Variants in ABCG1 observed in about 807,000 individuals in gnomAD.
ABCG1 encodes ATP-binding cassette sub-family G member 1.
In ABCG1, 29 loss-of-function variants were observed where a neutral mutation model predicts 69.2. The observed-to-expected ratio is 0.42, with a 90% CI of 0.31 to 0.57. The LOEUF (loss-of-function observed/expected upper bound fraction) is 0.57. Among genes scored for constraint, ABCG1 ranks in the 20% least tolerant of loss-of-function variants. The probability of loss-of-function intolerance (pLI) is 0.15; values close to 1 mark genes in which losing one functional copy is unlikely to be tolerated. For synonymous variants in ABCG1, 370 were observed against 374.8 expected, an observed-to-expected ratio of 0.99 and a Z score of 0.15; for missense variants, 718 against 898.1, an observed-to-expected ratio of 0.80 and a Z score of 2.56.
At chr21:42,274,250 C>T (rs2068669138) in intron 4 of ABCG1, among the ~76,000 whole-genome samples, 1 of 152,208 alleles carries the variant, frequency 6.6e-6, no homozygotes, top group South Asian at 2.1e-4. Flanking sequence ...ATCAATTCAA[C>T]TTGGTCACTG....
chr21:42,247,554 G>A (rs778936979), intron 2 of ABCG1, among the ~76,000 whole-genome samples: 3 of 152,242 alleles, frequency 2.0e-5, no homozygotes, highest in Non-Finnish European at 4.4e-5. Flanking sequence ...TTTGGGTGGA[G>A]ATCTTGGACT....
At chr21:42,237,058 A>T (rs554077909) in intron 2 of ABCG1, among the ~76,000 whole-genome samples, 1 of 152,262 alleles carries the variant, frequency 6.6e-6, no homozygotes, top group South Asian at 2.1e-4. Flanking sequence ...CCTCCCCTTC[A>T]GTTGTCATAA....
intron 4 of ABCG1, among the ~76,000 whole-genome samples, chr21:42,274,914 G>A (rs2068683582): frequency 6.6e-6 from 1 of 152,170 alleles, no homozygotes; most frequent in Non-Finnish European, 1.5e-5. Flanking sequence ...AGTCATGGCT[G>A]GCTTTATGTG....
At chr21:42,235,315 A>C (rs578145351) in intron 2 of ABCG1, among the ~76,000 whole-genome samples, 3 of 152,172 alleles carry the variant, frequency 2.0e-5, no homozygotes, top group Non-Finnish European at 4.4e-5. Context: ...GGGTGTGTGG[A>C]GTCTGCGCCC....
At chr21:42,238,321 C>A (rs1298796968) in intron 2 of ABCG1, among the ~76,000 whole-genome samples, 1 of 152,134 alleles carries the variant, frequency 6.6e-6, no homozygotes, top group African/African-American at 2.4e-5. Flanking sequence ...ATGGGGATTT[C>A]GAATCTCAAC....
chr21:42,211,858 C>T (rs2067592900), upstream of ABCG1, among the ~76,000 whole-genome samples: 2 of 152,112 alleles, frequency 1.3e-5, no homozygotes, highest in South Asian at 4.1e-4. Flanking sequence ...CACTGCACTC[C>T]AGCCTGGGTG....
intron 2 of ABCG1, among the ~76,000 whole-genome samples, chr21:42,259,805 A>G (rs969870756): frequency 4.6e-5 from 7 of 152,238 alleles, no homozygotes; most frequent in African/African-American, 1.7e-4. Flanking sequence ...GTGTTTTCTC[A>G]TTAGCCCATT....
intron 1 of ABCG1, among the ~76,000 whole-genome samples, chr21:42,220,894 C>A (rs935559705): frequency 3.9e-5 from 6 of 152,158 alleles, no homozygotes; most frequent in Non-Finnish European, 8.8e-5. Context: ...CTCTTGAATT[C>A]CTTCTAGAGC....
intron 2 of ABCG1, among the ~76,000 whole-genome samples, chr21:42,207,320 C>A (rs1601329254): frequency 6.6e-6 from 1 of 152,228 alleles, no homozygotes; most frequent in South Asian, 2.1e-4. Context: ...TGTTCCATTT[C>A]CCAGTTTATT....
intron 1 of ABCG1, among the ~76,000 whole-genome samples, chr21:42,224,338 G>A (rs1050996008): frequency 8.5e-5 from 13 of 152,184 alleles, no homozygotes; most frequent in African/African-American, 3.1e-4. Flanking sequence ...CCCTGCCACA[G>A]GGGCATTGGG....
intron 2 of ABCG1, among the ~76,000 whole-genome samples, chr21:42,261,219 C>T (rs931459294): frequency 5.9e-5 from 9 of 151,832 alleles, no homozygotes; most frequent in Admixed American, 2.0e-4. Flanking sequence ...CCCCCTCTCC[C>T]GCCCCACCCA....
chr21:42,214,074 CA>C (rs2067614819), upstream of ABCG1, among the ~76,000 whole-genome samples: 2 of 152,174 alleles, frequency 1.3e-5, no homozygotes, highest in African/African-American at 2.4e-5. Flanking sequence ...TCTGGAGGGC[CA>C]GGGGTGGAAT....
chr21:42,243,440 G>A (rs2068081318), intron 2 of ABCG1, among the ~76,000 whole-genome samples: 1 of 61,760 alleles, frequency 1.6e-5, no homozygotes, highest in South Asian at 3.9e-4. Flanking sequence ...AATACCGTGT[G>A]TGTGCGCGTG....
At chr21:42,277,051 T>C in intron 5 of ABCG1, 106 bp downstream of exon 5, 1 of 1,261,616 alleles carries the variant, frequency 7.9e-7, no homozygotes, top group East Asian at 2.3e-5. Flanking sequence ...TTTGTTGATT[T>C]GTTTTTGCCT....
intron 13 of ABCG1, among the ~76,000 whole-genome samples, chr21:42,293,303 C>G (rs531357354): frequency 2.5e-4 from 30 of 121,970 alleles, no homozygotes; most frequent in Non-Finnish European, 2.9e-4. Context: ...ACCACACACA[C>G]TACACACCAC....
intron 3 of ABCG1, among the ~76,000 whole-genome samples, chr21:42,272,386 GGGATCCAGGGGAA>G (rs1254471523): frequency 2.0e-5 from 3 of 152,224 alleles, no homozygotes; most frequent in African/African-American, 7.2e-5. Context: ...TTCAGACCTG[GGGATCCAGGGGAA>G]GCCAGTTGAC....
chr21:42,286,324 GC>G (rs2146330144), intron 8 of ABCG1, among the ~76,000 whole-genome samples: 1 of 152,280 alleles, frequency 6.6e-6, no homozygotes, highest in East Asian at 1.9e-4. Flanking sequence ...CTGCAAAGAT[GC>G]TTTTTCAAAT....
chr21:42,269,850 A>G lies in ABCG1; in HGVS notation c.287-1220A>G, dbSNP rs199811528. 3.3e-5 allele frequency among the ~76,000 whole-genome samples: 5 copies of G among 152,316 alleles called. No individual in the cohort carries two copies. The East Asian group carries it at 9.6e-4, about 29-fold the overall frequency. On this transcript the variant is annotated intron_variant, in intron 2 of 14. Coordinates refer to ENST00000398449, the MANE Select transcript of ABCG1 (RefSeq NM_016818.3). ...ACCGGGAGAAAGTCTAAAACACGGGACTGGGCCAAGGACCCCACAGGTCCC... is the reference window on the plus strand; with the variant it reads ...ACCGGGAGAAAGTCTAAAACACGGGGCTGGGCCAAGGACCCCACAGGTCCC...
rs963418885 is a variant in ABCG1, at chr21:42,296,505, C to T, written c.*113C>T. On this transcript the variant is annotated 3_prime_UTR_variant, in exon 15 of 15. Transcript: ENST00000398449. The surrounding 1 kb of genome is among the most constrained non-coding windows in gnomAD (Gnocchi z 5.4). ...CGACACAGAGACTCTTCTGATCCAA[C>T]CCCTAGAACCGCGTTGGGTTTGTGG... 4.2e-6 allele frequency: 4 copies of T among 950,810 alleles called. No homozygotes were observed. The highest frequency in any genetic ancestry group is 4.1e-5 in the Admixed American group (2 of 48,222). The allele number at this position is 950,810 out of a possible 1,614,324, so 58.9% of individuals were successfully genotyped here. A position where few individuals can be genotyped will look rare whatever the true frequency, so the allele number is the denominator to read the frequency against.
Sources: gnomAD v4.1 joint callset for allele counts (sites outside exome capture counted in the v4.1 genomes callset) on GRCh38, gnomAD v4.1.1 for gene constraint, Gnocchi (gnomAD v3.1) non-coding constraint, MANE v1.5 for transcripts, NCBI Gene and HGNC (gene_info 2026-07-23, HGNC 2026-07-21) for gene names.